DDX10: variants seen among roughly 807,000 people sequenced by gnomAD.
DDX10 encodes the protein probable ATP-dependent RNA helicase DDX10.
Under a neutral mutation model 104.3 loss-of-function variants are expected in DDX10, and 74 were observed. The ratio of observed to expected loss-of-function variants is 0.71; its 90% CI spans 0.59 to 0.86. The LOEUF (loss-of-function observed/expected upper bound fraction) is 0.86. DDX10 is among the 40% of genes least tolerant of loss of function. DDX10 has a pLI of 0.00. For synonymous variants in DDX10, 351 were observed against 353.4 expected, an observed-to-expected ratio of 0.99 and a Z score of 0.08; for missense variants, 952 against 1,040.0, an observed-to-expected ratio of 0.92 and a Z score of 1.16.
intron 16 of DDX10, among the ~76,000 whole-genome samples, chr11:108,909,952 C>A (rs1165826973): frequency 6.6e-6 from 1 of 152,000 alleles, no homozygotes; most frequent in Non-Finnish European, 1.5e-5. Context: ...AGGTGTCTTA[C>A]ATTATCACAT....
intron 9 of DDX10, among the ~76,000 whole-genome samples, chr11:108,702,663 G>A (rs2134458071): frequency 6.6e-6 from 1 of 152,320 alleles, no homozygotes; most frequent in South Asian, 2.1e-4. Flanking sequence ...CCAAGCCAAT[G>A]GACTGGATTC....
intron 13 of DDX10, among the ~76,000 whole-genome samples, chr11:108,805,850 TGAAA>T (rs1198342500): frequency 6.6e-6 from 1 of 152,202 alleles, no homozygotes; most frequent in African/African-American, 2.4e-5. Flanking sequence ...TATTTAATAA[TGAAA>T]GAAGAAAAAC....
chr11:108,878,885 T>C (rs1350164164), intron 16 of DDX10, among the ~76,000 whole-genome samples: 4 of 152,106 alleles, frequency 2.6e-5, no homozygotes, highest in Admixed American at 1.3e-4. Context: ...TGGTAGTGAA[T>C]AGCCACTAAA....
At chr11:108,733,623 A>G (rs1450158787) in intron 13 of DDX10, among the ~76,000 whole-genome samples, 2 of 152,020 alleles carry the variant, frequency 1.3e-5, no homozygotes, top group East Asian at 3.9e-4. Flanking sequence ...GGCCCCTCTG[A>G]CTTGCCTCGG....
At chr11:108,876,288 G>T (rs1283213090) in intron 16 of DDX10, among the ~76,000 whole-genome samples, 2 of 151,968 alleles carry the variant, frequency 1.3e-5, no homozygotes, top group African/African-American at 4.8e-5. Flanking sequence ...TGTTATATAT[G>T]ACATTTGTTA....
At chr11:108,740,141 C>T (rs928909186) in intron 13 of DDX10, among the ~76,000 whole-genome samples, 7 of 152,086 alleles carry the variant, frequency 4.6e-5, no homozygotes, top group South Asian at 2.1e-4. Flanking sequence ...ACCTTCCTGT[C>T]TCTACCCTCA....
intron 15 of DDX10, among the ~76,000 whole-genome samples, chr11:108,851,263 T>C (rs1243228802): frequency 6.6e-6 from 1 of 152,140 alleles, no homozygotes; most frequent in Non-Finnish European, 1.5e-5. Flanking sequence ...TACAAATACA[T>C]GTATCCACAA....
At chr11:108,870,819 G>C (rs766080071) in intron 16 of DDX10, among the ~76,000 whole-genome samples, 1 of 152,150 alleles carries the variant, frequency 6.6e-6, no homozygotes, top group Non-Finnish European at 1.5e-5. Flanking sequence ...TCTGTTCACT[G>C]CTGAATCACC....
intron 16 of DDX10, among the ~76,000 whole-genome samples, chr11:108,892,939 C>G (rs796760264): frequency 1.1e-4 from 17 of 152,292 alleles, no homozygotes; most frequent in African/African-American, 3.8e-4. Flanking sequence ...TCCTGCCTCT[C>G]CATCTTTCCC....
rs200248396 is a variant in DDX10, at chr11:108,770,458, C to CT, written c.1965+47005dup. Among the ~76,000 whole-genome samples the CT allele has an allele frequency of 2.7e-5, 4 of 150,552 alleles. No individual in the cohort carries two copies. The South Asian group carries it at 8.5e-4, about 32-fold the overall frequency. ...AGGTCTTATTCATTCTTTCTAACCA[C>CT]TTTTTTTTTGTACTCATTAACCATC... On this transcript the variant is annotated intron_variant, in intron 13 of 17. Coordinates refer to ENST00000322536, the MANE Select transcript of DDX10 (RefSeq NM_004398.4).
At chr11:108,930,862 C>G (rs1248406542) in intron 17 of DDX10, among the ~76,000 whole-genome samples, 1 of 152,176 alleles carries the variant, frequency 6.6e-6, no homozygotes, top group African/African-American at 2.4e-5. Flanking sequence ...CAGGGCTGCC[C>G]TTTGAGGAAC....
At chr11:108,849,110 T>C (rs539067027) in intron 15 of DDX10, among the ~76,000 whole-genome samples, 1 of 152,284 alleles carries the variant, frequency 6.6e-6, no homozygotes, top group Non-Finnish European at 1.5e-5. Flanking sequence ...AGAACCTTGT[T>C]GTGTTAAGTT....
At chr11:108,845,419 T>C (rs1862703067) in intron 15 of DDX10, among the ~76,000 whole-genome samples, 1 of 152,226 alleles carries the variant, frequency 6.6e-6, no homozygotes. Context: ...TGACAATTCT[T>C]AGTTCTTTTA....
At chr11:108,884,167 T>C (rs1863262903) in intron 16 of DDX10, among the ~76,000 whole-genome samples, 1 of 152,232 alleles carries the variant, frequency 6.6e-6, no homozygotes, top group Non-Finnish European at 1.5e-5. Flanking sequence ...GCATTTCAAA[T>C]TTATCACAAC....
chr11:108,687,656 G>C (rs2094246269), intron 6 of DDX10, among the ~76,000 whole-genome samples: 1 of 152,090 alleles, frequency 6.6e-6, no homozygotes. Context: ...AATTTTAAGA[G>C]TTGTTTGTAT....
chr11:108,916,841 G>C (rs1863757422), intron 16 of DDX10, among the ~76,000 whole-genome samples: 1 of 151,694 alleles, frequency 6.6e-6, no homozygotes, highest in South Asian at 2.1e-4. Flanking sequence ...TTTGTTTTTT[G>C]ACAAAAATAA....
chr11:108,926,622 G>A (rs547759555), intron 17 of DDX10, among the ~76,000 whole-genome samples: 1 of 152,274 alleles, frequency 6.6e-6, no homozygotes, highest in East Asian at 1.9e-4. Context: ...GAGACATTAA[G>A]GACATGATAC....
chr11:108,747,650 C>T (rs1312556260), intron 13 of DDX10, among the ~76,000 whole-genome samples: 1 of 152,104 alleles, frequency 6.6e-6, no homozygotes, highest in Admixed American at 6.6e-5. Context: ...GCCTAATCCC[C>T]ATTGTTTTAT....
chr11:108,733,498 C>CT (rs2094314770), intron 13 of DDX10, among the ~76,000 whole-genome samples: 1 of 152,152 alleles, frequency 6.6e-6, no homozygotes. Flanking sequence ...TTACCACAGC[C>CT]TTGTGTAGTG....
Sources: allele counts gnomAD v4.1 joint callset (sites outside exome capture counted in the v4.1 genomes callset), GRCh38; gene constraint gnomAD v4.1.1; transcripts MANE v1.5; gene names NCBI Gene and HGNC (gene_info 2026-07-23, HGNC 2026-07-21).